The following XIRP2 variants were observed in gnomAD, a reference collection of about 807,000 sequenced individuals.
XIRP2 encodes xin actin binding repeat containing 2, also known as xin actin-binding repeat-containing protein 2.
In XIRP2, 236 loss-of-function variants were observed where a neutral mutation model predicts 277.0. That is an observed-to-expected ratio of 0.85 (90% CI 0.77 to 0.95). The LOEUF is 0.95. XIRP2 is among the 40% of genes least tolerant of loss of function. The pLI is 0.00. For missense variants in XIRP2, 4,640 were observed against 4,157.5 expected, an observed-to-expected ratio of 1.12 and a Z score of -3.19; for synonymous variants, 1,490 against 1,416.5, an observed-to-expected ratio of 1.05 and a Z score of -1.17.
chr2:167,079,940 T>C (rs1047851296), intron 2 of XIRP2, among the ~76,000 whole-genome samples: 6 of 152,096 alleles, frequency 3.9e-5, no homozygotes, highest in African/African-American at 1.4e-4. Context: ...GGGTTTATTT[T>C]TTGTTATTGT....
intron 3 of XIRP2, among the ~76,000 whole-genome samples, chr2:167,208,476 T>C (rs1162653566): frequency 2.0e-5 from 3 of 152,042 alleles, no homozygotes; most frequent in Non-Finnish European, 4.4e-5. Context: ...CCTGGCTAAT[T>C]TTTTGTATTT....
chr2:167,035,952 G>A (rs1218808596), intron 2 of XIRP2, among the ~76,000 whole-genome samples: 1 of 152,230 alleles, frequency 6.6e-6, no homozygotes, highest in African/African-American at 2.4e-5. Context: ...TGGCTTCAGA[G>A]GGTGGAAGCC....
intron 2 of XIRP2, among the ~76,000 whole-genome samples, chr2:167,073,944 C>A (rs970060478): frequency 2.6e-5 from 4 of 152,120 alleles, no homozygotes; most frequent in African/African-American, 9.7e-5. Flanking sequence ...AAAATAATTT[C>A]TTCACTTCAA....
At chr2:166,924,004 C>T (rs1014365091) in intron 2 of XIRP2, among the ~76,000 whole-genome samples, 1 of 151,832 alleles carries the variant, frequency 6.6e-6, no homozygotes, top group Admixed American at 6.6e-5. Flanking sequence ...TATGGCTCAG[C>T]AGGTTCAGAC....
intron 1 of XIRP2, among the ~76,000 whole-genome samples, chr2:166,894,015 G>T (rs1472105074): frequency 6.6e-6 from 1 of 152,058 alleles, no homozygotes; most frequent in Non-Finnish European, 1.5e-5. Flanking sequence ...TTCTCCCCAA[G>T]ACCTAGTCAA....
chr2:167,237,520 C>T (rs1694935651), intron 5 of XIRP2, among the ~76,000 whole-genome samples: 1 of 152,102 alleles, frequency 6.6e-6, no homozygotes, highest in East Asian at 1.9e-4. Context: ...CAACTAAAAG[C>T]CAGACTCTGC....
chr2:167,169,769 C>T (rs967666789), intron 3 of XIRP2, among the ~76,000 whole-genome samples: 1 of 152,102 alleles, frequency 6.6e-6, no homozygotes, highest in Non-Finnish European at 1.5e-5. Flanking sequence ...ACCTTGTGAG[C>T]TTGCCATATC....
chr2:167,187,701 A>T (rs1053492171), intron 3 of XIRP2, among the ~76,000 whole-genome samples: 14 of 152,188 alleles, frequency 9.2e-5, no homozygotes, highest in Admixed American at 9.2e-4. Context: ...TTAATAGGAT[A>T]AAATTTAGAG....
intron 2 of XIRP2, among the ~76,000 whole-genome samples, chr2:167,062,433 G>GT (rs955409052): frequency 2.0e-5 from 3 of 152,110 alleles, no homozygotes; most frequent in Admixed American, 2.0e-4. Context: ...TTGTTTAAAA[G>GT]TTTTGTTTGT....
At chr2:166,912,189 A>G (rs887145309) in intron 2 of XIRP2, among the ~76,000 whole-genome samples, 1 of 152,202 alleles carries the variant, frequency 6.6e-6, no homozygotes, top group South Asian at 2.1e-4. Flanking sequence ...CCTGGATAAT[A>G]TCCTGCAGAG....
chr2:166,939,689 A>C (rs1324840880), intron 2 of XIRP2, among the ~76,000 whole-genome samples: 6 of 150,670 alleles, frequency 4.0e-5, no homozygotes, highest in South Asian at 2.1e-4. Flanking sequence ...CAAAAAAAAA[A>C]AAAAAAAAAC....
At chr2:166,930,877 T>C (rs1304006275) in intron 2 of XIRP2, among the ~76,000 whole-genome samples, 1 of 152,172 alleles carries the variant, frequency 6.6e-6, no homozygotes, top group Admixed American at 6.6e-5. Flanking sequence ...TTGAGAGTAG[T>C]TAGCTGTGTT....
chr2:167,168,314 T>C (rs745668786), intron 3 of XIRP2, among the ~76,000 whole-genome samples: 5 of 152,198 alleles, frequency 3.3e-5, no homozygotes, highest in African/African-American at 4.8e-5. Context: ...TCATTATTAT[T>C]TCAAATATTT....
chr2:166,937,680 C>T (rs1685560230), intron 2 of XIRP2, among the ~76,000 whole-genome samples: 1 of 152,168 alleles, frequency 6.6e-6, no homozygotes, highest in Non-Finnish European at 1.5e-5. Context: ...GTACCAGCTC[C>T]TCCTTGTACC....
rs1371789781 is a variant in XIRP2, at chr2:167,245,753, G to C, written c.4361G>C (p.Trp1454Ser). 6.2e-7 allele frequency: 1 copy of C among 1,613,676 alleles called. No individual in the cohort carries two copies. Among genetic ancestry groups the C allele is most frequent in the Non-Finnish European group, 8.5e-7 (1 of 1,179,758 alleles). Residue 1454 changes from tryptophan to serine, a missense_variant, in exon 9 of 11, where the codon TGG (tryptophan) becomes TCG (serine). By Grantham distance (177) the Trp-to-Ser change is radical. Transcript: ENST00000409195. ...AAGGGCAATGTTAAAACATCTACTT[G>C]GCTATTTGAAACCCACACTATGGAT... ...IQKGNVKTST[W>S]LFETHTMDEL...
At chr2:167,064,339 A>G (rs1374907794) in intron 2 of XIRP2, among the ~76,000 whole-genome samples, 1 of 151,858 alleles carries the variant, frequency 6.6e-6, no homozygotes, top group East Asian at 1.9e-4. Context: ...TTGCTTTCAA[A>G]TAGTAATCCA....
At chr2:166,987,749 T>G (rs1236317249) in intron 2 of XIRP2, among the ~76,000 whole-genome samples, 1 of 152,164 alleles carries the variant, frequency 6.6e-6, no homozygotes, top group African/African-American at 2.4e-5. Flanking sequence ...ATCATGGATA[T>G]ATAAAGGACT....
intron 2 of XIRP2, among the ~76,000 whole-genome samples, chr2:166,928,707 C>T (rs1318977541): frequency 2.0e-4 from 31 of 152,220 alleles, no homozygotes. Context: ...CACACTGCAA[C>T]TGGCTGTCTT....
At chr2:166,972,984 T>G (rs764105522) in intron 2 of XIRP2, among the ~76,000 whole-genome samples, 1 of 152,230 alleles carries the variant, frequency 6.6e-6, no homozygotes, top group Non-Finnish European at 1.5e-5. Context: ...GAAAGCACAT[T>G]TCATGCCTCC....
Sources: allele counts gnomAD v4.1 joint callset (sites outside exome capture counted in the v4.1 genomes callset), GRCh38; gene constraint gnomAD v4.1.1; transcripts MANE v1.5; gene names NCBI Gene and HGNC (gene_info 2026-07-23, HGNC 2026-07-21).